The following PRMT2 variants were observed in gnomAD, a reference collection of about 807,000 sequenced individuals.
PRMT2 encodes the protein protein arginine N-methyltransferase 2.
A neutral mutation model predicts 57.6 loss-of-function variants in PRMT2; 26 were observed. The ratio of observed to expected loss-of-function variants is 0.45; its 90% confidence interval spans 0.33 to 0.63. The LOEUF is 0.63. Ranked by LOEUF, PRMT2 falls within the 20% of genes least tolerant of loss-of-function variation. PRMT2 has a pLI of 0.02. For missense variants in PRMT2, 472 were observed against 564.4 expected, an observed-to-expected ratio of 0.84 and a Z score of 1.66; for synonymous variants, 219 against 220.0, an observed-to-expected ratio of 1.00 and a Z score of 0.04.
At chr21:46,641,432 G>T (rs2061272649) in intron 3 of PRMT2, among the ~76,000 whole-genome samples, 1 of 152,212 alleles carries the variant, frequency 6.6e-6, no homozygotes, top group Non-Finnish European at 1.5e-5. Context: ...CCACGCCTGT[G>T]ATGCCAGCAC....
intron 11 of PRMT2, among the ~76,000 whole-genome samples, chr21:46,663,979 C>T (rs899242905): frequency 1.3e-5 from 2 of 152,148 alleles, no homozygotes; most frequent in African/African-American, 4.8e-5. Context: ...TGGCAGCCTT[C>T]GGATCCGTGT....
At chr21:46,651,972 G>C in intron 7 of PRMT2, 1 of 1,613,278 alleles carries the variant, frequency 6.2e-7, no homozygotes, top group Non-Finnish European at 8.5e-7. Context: ...CAGCCCTCAG[G>C]CCTTCATCTC....
chr21:46,656,568 A>G (rs2061544801), intron 7 of PRMT2, among the ~76,000 whole-genome samples: 1 of 152,228 alleles, frequency 6.6e-6, no homozygotes, highest in Non-Finnish European at 1.5e-5. Context: ...AGGTACAAAA[A>G]TCAATTTAAT....
rs188366263 is a variant in PRMT2, at chr21:46,645,719, T to C, written c.327+1231T>C. Among the ~76,000 whole-genome samples the C allele has an allele frequency of 5.5e-3, 830 of 151,994 alleles. 3 individuals carry two copies. Among genetic ancestry groups the C allele is most frequent in the Non-Finnish European group, 9.0e-3 (612 of 67,944 alleles). On this transcript the variant is annotated intron_variant, in intron 5 of 11. Coordinates refer to ENST00000355680, the MANE Select transcript of PRMT2 (RefSeq NM_206962.4). The stretch of plus-strand genomic sequence containing the variant: ...ATATTAGAAGGTTTTTTGTTTGTTT[T>C]TGTTTTTTTTTTTTTGAGACGTAGT...
In PRMT2 at chr21:46,648,121, A is replaced by G. The variant is rs1471069626; in HGVS notation, c.328-337A>G. ...GAGAGCTGACATCTTTATAACATTGACTCTCAGTCTCTGATTACTTAAGCT... is the reference window on the plus strand; with the variant it reads ...GAGAGCTGACATCTTTATAACATTGGCTCTCAGTCTCTGATTACTTAAGCT... On this transcript the variant is annotated intron_variant, in intron 5 of 11. Transcript: ENST00000355680. This position sits in a 1 kb window ranked among gnomAD's most constrained non-coding sequence, Gnocchi z 4.8. 6.6e-6 allele frequency among the ~76,000 whole-genome samples: 1 copy of G among 151,780 alleles called. No individual in the cohort carries two copies. Among genetic ancestry groups the G allele is most frequent in the Non-Finnish European group, 1.5e-5 (1 of 67,932 alleles).
chr21:46,661,815 C>A lies in PRMT2; in HGVS notation c.976C>A (p.Leu326Met). ...ISDLETLRGE[L>M]RFDIRKAGTL... ...CTTGACCCAGACCCTGAGGGGCGAG[C>A]TGCGCTTCGACATCAGGAAGGCGGG... is the stretch of plus-strand genomic sequence containing the variant. The change falls in exon 10 of 12, where the codon CTG becomes ATG. Residue 326 changes from leucine to methionine, a missense_variant. This residue lies in a region of PRMT2 where 229 missense variants were observed against 217.2 expected (regional missense o/e 1.05). Transcript: ENST00000355680. The A allele has an allele frequency of 1.4e-6, 2 of 1,462,084 alleles. No individual in the cohort carries two copies. Among genetic ancestry groups the A allele is most frequent in the Non-Finnish European group, 9.1e-7 (1 of 1,097,730 alleles). The allele number at this position is 1,462,084 out of a possible 1,614,324, so 90.6% of individuals were successfully genotyped here.
intron 9 of PRMT2, 154 bp downstream of exon 9, chr21:46,661,116 G>A (rs187793582): frequency 6.7e-6 from 5 of 744,906 alleles, no homozygotes; most frequent in Admixed American, 3.5e-5. Flanking sequence ...TTTATAAAAC[G>A]TTTGCTACTG....
At chr21:46,644,828 A>T (rs2061336258) in intron 5 of PRMT2, among the ~76,000 whole-genome samples, 1 of 152,204 alleles carries the variant, frequency 6.6e-6, no homozygotes, top group Admixed American at 6.5e-5. Flanking sequence ...GTGGTGGGCT[A>T]GATTTGGCCC....
Position 46,660,834 on chromosome 21 carries a change from TCTTTA to T in PRMT2, c.833_837del (p.Ser278CysfsTer3). On this transcript the variant is annotated frameshift_variant and splice_region_variant, in exon 9 of 12. Transcript: ENST00000355680. LOFTEE classifies it high-confidence loss of function. Reference sequence around the variant, plus strand: ...AGTCGCTTTGACCTTTTCCCCTAGATCTTTAGCAGTTAAGGAGTTTTTTTCAAAGC... The same window carrying T: ...AGTCGCTTTGACCTTTTCCCCTAGATGCAGTTAAGGAGTTTTTTTCAAAGC... The T allele has an allele frequency of 6.2e-7, 1 of 1,613,756 alleles. No homozygotes were observed. Among genetic ancestry groups the T allele is most frequent in the Non-Finnish European group, 8.5e-7 (1 of 1,179,882 alleles).
chr21:46,660,075 A>AT, intron 8 of PRMT2: 2 of 976,628 alleles, frequency 2.0e-6, no homozygotes, highest in South Asian at 4.7e-5. Flanking sequence ...TAAATTTGTA[A>AT]TTTTTTATCA....
chr21:46,644,478 A>G lies in PRMT2; in HGVS notation c.317A>G (p.Tyr106Cys), dbSNP rs2061331217. 3.8e-6 allele frequency: 6 copies of G among 1,582,502 alleles called. No individual in the cohort carries two copies. The highest frequency in any genetic ancestry group is 2.3e-5 in the East Asian group (1 of 44,102). The change falls in exon 5 of 12, where the codon TAT becomes TGT. Residue 106 changes from tyrosine to cysteine, a missense_variant. Tyr to Cys is a radical substitution (Grantham distance 194). Around this residue, in one of 2 missense-constraint regions of PRMT2, gnomAD observed 243 missense variants for 347.2 expected, o/e 0.70. Coordinates refer to ENST00000355680, the MANE Select transcript of PRMT2 (RefSeq NM_206962.4). ...CAGGATGAAGAGTACTTCGGCAGCT[A>G]TGGAACTCTGGTATTGCTTTCTAAA... ...TWQDEEYFGSYGTLKLHLEML... is the reference protein window; with the variant it reads ...TWQDEEYFGSCGTLKLHLEML...
At position 46,664,509 on chromosome 21, in the gene PRMT2, C is replaced by T. The variant is rs1302798726; in HGVS notation, c.*182C>T. 2.3e-5 allele frequency: 17 copies of T among 746,792 alleles called. No individual in the cohort carries two copies. Among genetic ancestry groups the T allele is most frequent in the East Asian group, 1.6e-4 (6 of 36,892 alleles). The allele number at this position is 746,792 out of a possible 1,614,324, so 46.3% of individuals were successfully genotyped here. A position where few individuals can be genotyped will look rare whatever the true frequency, so the allele number is the denominator to read the frequency against. On this transcript the variant is annotated 3_prime_UTR_variant, in exon 12 of 12. Coordinates refer to ENST00000355680, the MANE Select transcript of PRMT2 (RefSeq NM_206962.4). ...CTTCACAGACAAACACGCTTGGGCTCGGCAGGAGCTGCCGTGGCCACCCCC... is the reference window on the plus strand; with the variant it reads ...CTTCACAGACAAACACGCTTGGGCTTGGCAGGAGCTGCCGTGGCCACCCCC...
chr21:46,649,916 C>T lies in PRMT2; in HGVS notation c.654+177C>T, dbSNP rs2148983996. Reference sequence around the variant, plus strand: ...TTGGCTCAGTGTCTTGAATTTTCACCTGATTTAAAAAATGCCTTTATGAGA... The same window carrying T: ...TTGGCTCAGTGTCTTGAATTTTCACTTGATTTAAAAAATGCCTTTATGAGA... On this transcript the variant is annotated intron_variant, in intron 7 of 11. Transcript: ENST00000355680. This position sits in a 1 kb window ranked among gnomAD's most constrained non-coding sequence, Gnocchi z 4.8. 1 of 1,451,744 alleles carries T rather than the reference C, an allele frequency of 6.9e-7. No individual in the cohort carries two copies. Among genetic ancestry groups the T allele is most frequent in the Non-Finnish European group, 9.1e-7 (1 of 1,098,340 alleles). 89.9% of individuals were successfully genotyped at this position (1,451,744 alleles called of 1,614,324 possible). A position where few individuals can be genotyped will look rare whatever the true frequency, so the allele number is the denominator to read the frequency against.
At chr21:46,656,001 T>C (rs1393182126) in intron 7 of PRMT2, among the ~76,000 whole-genome samples, 1 of 152,180 alleles carries the variant, frequency 6.6e-6, no homozygotes, top group Non-Finnish European at 1.5e-5. Flanking sequence ...AAATCTCATG[T>C]TGAAATTTGA....
chr21:46,642,761 G>A (rs2300411), intron 3 of PRMT2, among the ~76,000 whole-genome samples: 12,363 of 152,268 alleles, frequency 0.081, 806 homozygotes, highest in East Asian at 0.34. Context: ...GGTGGCTCAT[G>A]CCTGTAGTCC....
intron 7 of PRMT2, chr21:46,653,380 G>T: frequency 2.0e-6 from 2 of 985,426 alleles, no homozygotes; most frequent in Non-Finnish European, 2.4e-6. Context: ...AAGGCTGTTT[G>T]CACATATTTA....
At chr21:46,647,100 C>T (rs747943563) in intron 5 of PRMT2, among the ~76,000 whole-genome samples, 8 of 152,092 alleles carry the variant, frequency 5.3e-5, no homozygotes, top group Non-Finnish European at 1.2e-4. Flanking sequence ...TGTGAAAGCT[C>T]ATTTCCCTAC....
chr21:46,652,880 G>A (rs747540482), intron 7 of PRMT2: 14 of 1,302,438 alleles, frequency 1.1e-5, no homozygotes, highest in Non-Finnish European at 1.3e-5. Context: ...CTGAGGCCAC[G>A]CCACGATTTC....
chr21:46,658,681 T>C, intron 7 of PRMT2, 64 bp from the exon 8 acceptor site: 1 of 1,582,476 alleles, frequency 6.3e-7, no homozygotes, highest in Non-Finnish European at 8.6e-7. Context: ...AATGTGGTGG[T>C]GAGAGGCCTG....
Sources: gnomAD v4.1 joint callset for allele counts (sites outside exome capture counted in the v4.1 genomes callset) on GRCh38, gnomAD v4.1.1 for gene constraint, gnomAD v4.1.1 regional missense constraint, Gnocchi (gnomAD v3.1) non-coding constraint, MANE v1.5 for transcripts, NCBI Gene and HGNC (gene_info 2026-07-23, HGNC 2026-07-21) for gene names.